KAZN: variants seen among roughly 807,000 people sequenced by gnomAD.
KAZN encodes the protein kazrin, periplakin interacting protein, also known as kazrin.
Under a neutral mutation model 87.4 loss-of-function variants are expected in KAZN, and 40 were observed. That is an observed-to-expected ratio of 0.46 (90% CI 0.36 to 0.60). The LOEUF is 0.60. Among genes scored for constraint, KAZN ranks in the 20% least tolerant of loss-of-function variants. KAZN has a pLI of 0.00. For missense variants in KAZN, 898 were observed against 1,073.9 expected (o/e 0.84, Z 2.29); for synonymous variants, 466 against 458.3 (o/e 1.02, Z -0.22).
At chr1:13,957,370 C>T (rs1641586535) in intron 1 of KAZN, among the ~76,000 whole-genome samples, 1 of 152,130 alleles carries the variant, frequency 6.6e-6, no homozygotes, top group Non-Finnish European at 1.5e-5. Flanking sequence ...GCTAAGCAAG[C>T]TAAACTAAGA....
chr1:15,021,907 T>C lies in KAZN; in HGVS notation c.419-12842T>C, dbSNP rs759012221. Among the ~76,000 whole-genome samples the C allele has an allele frequency of 1.3e-4, 20 of 152,042 alleles. No homozygotes were observed. The highest frequency in any genetic ancestry group is 2.5e-4 in the Non-Finnish European group (17 of 68,010). Reference sequence around the variant, plus strand: ...AAAAGAGGTTGGGGAGGCCTCATAATCATGGCGGAAGGCAAAAGACACTTC... The same window carrying C: ...AAAAGAGGTTGGGGAGGCCTCATAACCATGGCGGAAGGCAAAAGACACTTC... On this transcript the variant is annotated intron_variant, in intron 2 of 14. Transcript: ENST00000376030. The surrounding 1 kb of genome is among the most constrained non-coding windows in gnomAD (Gnocchi z 4.2).
chr1:13,910,304 C>G (rs186140347), intron 1 of KAZN, among the ~76,000 whole-genome samples: 3 of 151,948 alleles, frequency 2.0e-5, no homozygotes, highest in African/African-American at 7.3e-5. Flanking sequence ...GTCAGGAGAT[C>G]GAGACCATCC....
At chr1:14,924,496 G>A in intron 1 of KAZN, 1 of 997,452 alleles carries the variant, frequency 1.0e-6, no homozygotes, top group Non-Finnish European at 1.2e-6. Context: ...AGCAGTGCGT[G>A]GACGCGGCGG....
intron 2 of KAZN, among the ~76,000 whole-genome samples, chr1:14,353,384 C>T (rs771700635): frequency 1.6e-4 from 25 of 152,126 alleles, no homozygotes; most frequent in South Asian, 4.2e-4. Context: ...CCACCACGCC[C>T]GGCTAATTTT....
At chr1:15,029,195 G>A (rs1180548699) in intron 2 of KAZN, among the ~76,000 whole-genome samples, 1 of 152,144 alleles carries the variant, frequency 6.6e-6, no homozygotes, top group African/African-American at 2.4e-5. Flanking sequence ...GGAGCATCAT[G>A]GTGAGGAGGA....
intron 1 of KAZN, among the ~76,000 whole-genome samples, chr1:14,933,774 C>G (rs1265431823): frequency 2.0e-5 from 3 of 152,098 alleles, no homozygotes; most frequent in Non-Finnish European, 4.4e-5. Flanking sequence ...TCCCAAGTAG[C>G]TAGGACTACA....
At chr1:14,268,593 G>A (rs1400821338) in intron 2 of KAZN, among the ~76,000 whole-genome samples, 1 of 152,176 alleles carries the variant, frequency 6.6e-6, no homozygotes, top group African/African-American at 2.4e-5. Context: ...TGTTTTCAAT[G>A]ATGATGCATT....
intron 1 of KAZN, among the ~76,000 whole-genome samples, chr1:14,145,197 C>G (rs1570861042): frequency 6.6e-6 from 1 of 152,164 alleles, no homozygotes; most frequent in African/African-American, 2.4e-5. Flanking sequence ...AATCCCAACA[C>G]TTTGGGAGGC....
intron 1 of KAZN, among the ~76,000 whole-genome samples, chr1:14,833,291 C>A (rs1002262275): frequency 3.3e-5 from 5 of 152,146 alleles, no homozygotes; most frequent in South Asian, 4.1e-4. Context: ...CCATGCCCCC[C>A]CACTGTCTTG....
chr1:14,800,962 A>G (rs993745574), intron 1 of KAZN, among the ~76,000 whole-genome samples: 15 of 151,818 alleles, frequency 9.9e-5, no homozygotes, highest in Admixed American at 1.3e-4. Flanking sequence ...GGTTACGGTG[A>G]TAGTTGCACA....
chr1:14,675,304 C>T (rs1388428038), intron 1 of KAZN, among the ~76,000 whole-genome samples: 2 of 152,220 alleles, frequency 1.3e-5, no homozygotes, highest in Non-Finnish European at 2.9e-5. Context: ...GTCAAGTTCT[C>T]AGAGTGCGTC....
intron 1 of KAZN, among the ~76,000 whole-genome samples, chr1:14,103,067 C>A (rs933264108): frequency 6.6e-6 from 1 of 152,170 alleles, no homozygotes; most frequent in Non-Finnish European, 1.5e-5. Flanking sequence ...TAGGTGTGCA[C>A]CACCACACCT....
intron 2 of KAZN, among the ~76,000 whole-genome samples, chr1:14,319,575 TC>T (rs1445914391): frequency 6.6e-6 from 1 of 152,142 alleles, no homozygotes; most frequent in Non-Finnish European, 1.5e-5. Context: ...ACCCTCAGAT[TC>T]TCTGAACTCA....
At chr1:14,090,396 T>A (rs138059881) in intron 1 of KAZN, among the ~76,000 whole-genome samples, 1 of 152,152 alleles carries the variant, frequency 6.6e-6, no homozygotes, top group Non-Finnish European at 1.5e-5. Flanking sequence ...TCTCTTTTTT[T>A]CTTCAGTGTC....
intron 1 of KAZN, among the ~76,000 whole-genome samples, chr1:14,125,668 T>C (rs1644848668): frequency 6.6e-6 from 1 of 152,082 alleles, no homozygotes; most frequent in Non-Finnish European, 1.5e-5. Flanking sequence ...AACTCCAGCC[T>C]TCAGAACTGG....
chr1:14,384,056 T>C (rs1206367722), intron 2 of KAZN, among the ~76,000 whole-genome samples: 2 of 151,934 alleles, frequency 1.3e-5, no homozygotes, highest in Non-Finnish European at 2.9e-5. Context: ...GATTCCTAGG[T>C]ATTTTATTCT....
chr1:14,223,335 G>A (rs1292679991), intron 2 of KAZN, among the ~76,000 whole-genome samples: 2 of 152,176 alleles, frequency 1.3e-5, no homozygotes, highest in African/African-American at 4.8e-5. Context: ...GCTATAGTAG[G>A]CTTTTTCCTG....
chr1:14,680,199 G>A (rs1481701590), intron 1 of KAZN, among the ~76,000 whole-genome samples: 1 of 152,072 alleles, frequency 6.6e-6, no homozygotes, highest in African/African-American at 2.4e-5. Context: ...TTAAATGTAC[G>A]GTTTGATGAG....
chr1:13,956,296 C>G (rs1570381145), intron 1 of KAZN, among the ~76,000 whole-genome samples: 1 of 122,906 alleles, frequency 8.1e-6, no homozygotes. Flanking sequence ...TACATCATTT[C>G]TTTTCTTTTT....
Sources: gnomAD v4.1 joint callset for allele counts (sites outside exome capture counted in the v4.1 genomes callset) on GRCh38, gnomAD v4.1.1 for gene constraint, Gnocchi (gnomAD v3.1) non-coding constraint, MANE v1.5 for transcripts, NCBI Gene and HGNC (gene_info 2026-07-23, HGNC 2026-07-21) for gene names.